Variants in STARD9 observed in about 807,000 individuals in gnomAD.
STARD9 encodes StAR related lipid transfer domain containing 9.
STARD9 carries 346 observed loss-of-function variants against 399.8 expected under a neutral mutation model. That is an observed-to-expected ratio of 0.87 (90% CI 0.79 to 0.95). The LOEUF is 0.95. STARD9 is among the 40% of genes least tolerant of loss of function. The probability of loss-of-function intolerance (pLI) is 0.00; values close to 1 mark genes in which losing one functional copy is unlikely to be tolerated. For synonymous variants in STARD9, 2,203 were observed against 2,143.5 expected, an observed-to-expected ratio of 1.03 and a Z score of -0.77; for missense variants, 5,832 against 5,667.5, an observed-to-expected ratio of 1.03 and a Z score of -0.93.
intron 26 of STARD9, among the ~76,000 whole-genome samples, chr15:42,706,217 A>G (rs1057482696): frequency 3.3e-5 from 5 of 152,140 alleles, no homozygotes; most frequent in Non-Finnish European, 7.4e-5. Context: ...CTTTCTTTTT[A>G]TGTTTTTAAA....
At chr15:42,625,890 G>C (rs756301391) in intron 3 of STARD9, among the ~76,000 whole-genome samples, 3 of 151,888 alleles carry the variant, frequency 2.0e-5, no homozygotes, top group Admixed American at 1.3e-4. Context: ...AAACCTTCAA[G>C]ACATGAAGAA....
intron 3 of STARD9, among the ~76,000 whole-genome samples, chr15:42,594,253 G>A (rs906471739): frequency 6.6e-6 from 1 of 152,168 alleles, no homozygotes; most frequent in African/African-American, 2.4e-5. Flanking sequence ...GGAACCAAGA[G>A]GAGCCACTAT....
At position 42,688,786 on chromosome 15, in the gene STARD9, C is replaced by T. The variant is rs1207145894; in HGVS notation, c.7208C>T (p.Ala2403Val). ...AATGTTAGAGGGCGTTCCTCTGAGG[C>T]ACACACTGCCTGGTGTGGGTCTGTG... is the stretch of plus-strand genomic sequence containing the variant. ...EGNVRGRSSE[A>V]HTAWCGSVRS... Residue 2403 changes from alanine to valine, a missense_variant, in exon 23 of 33, where the codon GCA becomes GTA. Ala to Val is a moderately conservative substitution (Grantham distance 64). Transcript: ENST00000290607. The T allele has an allele frequency of 7.2e-6, 11 of 1,537,428 alleles. No individual in the cohort carries two copies. Among genetic ancestry groups the T allele is most frequent in the Non-Finnish European group, 9.6e-6 (11 of 1,146,980 alleles).
chr15:42,616,038 T>C (rs1182562379), intron 3 of STARD9, among the ~76,000 whole-genome samples: 1 of 152,176 alleles, frequency 6.6e-6, no homozygotes, highest in Non-Finnish European at 1.5e-5. Context: ...TCTCAAACAT[T>C]GTATTTTTTT....
At chr15:42,634,207 ATTTT>A in intron 3 of STARD9, among the ~76,000 whole-genome samples, 1 of 152,206 alleles carries the variant, frequency 6.6e-6, no homozygotes, top group Admixed American at 6.5e-5. Context: ...AAAGCTGGCT[ATTTT>A]TTCCTGAGAC....
chr15:42,646,251 G>C lies in STARD9; in HGVS notation c.560-4765G>C, dbSNP rs1286993999. Reference sequence around the variant, plus strand: ...TAGCCCCTAACAGGAGAATCGGCCTGTCCTTTGAAGCTTTGAAACCAGACA... The same window carrying C: ...TAGCCCCTAACAGGAGAATCGGCCTCTCCTTTGAAGCTTTGAAACCAGACA... On this transcript the variant is annotated intron_variant, in intron 7 of 32. Transcript: ENST00000290607. Among the ~76,000 whole-genome samples the C allele has an allele frequency of 2.6e-5, 4 of 152,148 alleles. No homozygotes were observed. The East Asian group carries it at 7.7e-4, about 29-fold the overall frequency.
At position 42,689,649 on chromosome 15, in the gene STARD9, C is replaced by G. The variant is rs1023118206; in HGVS notation, c.8071C>G (p.Pro2691Ala). ...GAGGCAGTTCGCGGGAGCAAGTGAACCATTTATATGTCACTCTAGTTCTTC... is the reference window on the plus strand; with the variant it reads ...GAGGCAGTTCGCGGGAGCAAGTGAAGCATTTATATGTCACTCTAGTTCTTC... ...ELRQFAGASE[P>A]FICHSSSSEI... The change falls in exon 23 of 33, where the codon CCA becomes GCA. Residue 2691 changes from proline (P) to alanine (A), a missense_variant. Physicochemically the swap from Pro to Ala is conservative, Grantham distance 27. This residue lies in a region of STARD9 where 5,828 missense variants were observed against 5,651.1 expected (regional missense o/e 1.03). Coordinates refer to ENST00000290607, the MANE Select transcript of STARD9 (RefSeq NM_020759.3). 7.8e-6 allele frequency: 12 copies of G among 1,537,532 alleles called. No homozygotes were observed. In the African/African-American group the frequency reaches 1.5e-4, roughly 19 times the overall value.
At chr15:42,577,821 T>A (rs2058088580) in intron 1 of STARD9, among the ~76,000 whole-genome samples, 1 of 152,234 alleles carries the variant, frequency 6.6e-6, no homozygotes, top group African/African-American at 2.4e-5. Context: ...ATGTGGGGAA[T>A]CTGGTGATTA....
In STARD9 at chr15:42,691,994, G is replaced by T. The variant is rs752286853; in HGVS notation, c.10416G>T (p.Pro3472=). ...GTGACATCAGTCCCTATGCGCTGCC[G>T]TGGCGTCCGGAGGAGCCTGCACGTA... ...GSSDISPYAL[P]WRPEEPARIS... The change falls in exon 23 of 33, where the codon CCG becomes CCT. Residue 3472 remains proline (P), a synonymous_variant. Transcript: ENST00000290607. 1.3e-6 allele frequency: 2 copies of T among 1,537,232 alleles called. No individual in the cohort carries two copies. The highest frequency in any genetic ancestry group is 2.7e-5 in the African/African-American group (2 of 73,164).
At chr15:42,595,644 G>A (rs1475949679) in intron 3 of STARD9, among the ~76,000 whole-genome samples, 1 of 152,178 alleles carries the variant, frequency 6.6e-6, no homozygotes, top group Non-Finnish European at 1.5e-5. Flanking sequence ...TAGGGGAGCT[G>A]GGGAGTATGT....
intron 9 of STARD9, among the ~76,000 whole-genome samples, chr15:42,656,929 C>T (rs558274671): frequency 2.6e-5 from 4 of 152,184 alleles, no homozygotes; most frequent in African/African-American, 9.6e-5. Context: ...GTGATGGGTG[C>T]ACCAATATTT....
Position 42,682,539 on chromosome 15 carries a change from A to G in STARD9, c.2501A>G (p.Gln834Arg), listed in dbSNP as rs746852957. 223 of 1,537,104 alleles carry G rather than the reference A, an allele frequency of 1.5e-4. 1 individual carries two copies. In the Middle Eastern group the frequency reaches 5.0e-3, roughly 35 times the overall value. ...ACGAGTTGCAGTTCTTTGAGCCCCCAAAGACTCTGCAGCAAGCACATGCCC... is the reference window on the plus strand; with the variant it reads ...ACGAGTTGCAGTTCTTTGAGCCCCCGAAGACTCTGCAGCAAGCACATGCCC... ...KLTSCSSLSP[Q>R]RLCSKHMPQL... Residue 834 changes from glutamine (Q) to arginine (R), a missense_variant, in exon 22 of 33, where the codon CAA becomes CGA. Gln to Arg is a conservative substitution (Grantham distance 43). Around this residue, in one of 2 missense-constraint regions of STARD9, gnomAD observed 5,828 missense variants for 5,651.1 expected, o/e 1.03. Coordinates refer to ENST00000290607, the MANE Select transcript of STARD9 (RefSeq NM_020759.3).
chr15:42,656,508 A>T (rs2059876514), intron 9 of STARD9, among the ~76,000 whole-genome samples: 1 of 152,162 alleles, frequency 6.6e-6, no homozygotes, highest in Admixed American at 6.6e-5. Context: ...AGAAGTCGTT[A>T]TATGAAAAAG....
chr15:42,599,576 C>G (rs1256854582), intron 3 of STARD9, among the ~76,000 whole-genome samples: 1 of 152,188 alleles, frequency 6.6e-6, no homozygotes, highest in East Asian at 1.9e-4. Context: ...CTCATAGTAT[C>G]TTGTTACTCC....
At chr15:42,678,866 G>T (rs891519653) in intron 20 of STARD9, among the ~76,000 whole-genome samples, 1 of 152,224 alleles carries the variant, frequency 6.6e-6, no homozygotes, top group Non-Finnish European at 1.5e-5. Context: ...CCTGCTTTCT[G>T]GGAACTTGAC....
chr15:42,639,191 G>T (rs576093418), intron 7 of STARD9, among the ~76,000 whole-genome samples: 1 of 152,220 alleles, frequency 6.6e-6, no homozygotes, highest in Admixed American at 6.5e-5. Flanking sequence ...ATGACGTAAC[G>T]TGGTGAGAAG....
At chr15:42,676,330 T>TC (rs1428763425) in intron 20 of STARD9, among the ~76,000 whole-genome samples, 2 of 152,282 alleles carry the variant, frequency 1.3e-5, no homozygotes, top group African/African-American at 4.8e-5. Flanking sequence ...TCCCATATAC[T>TC]CCTTTAAGTT....
chr15:42,581,536 G>C (rs1345008334), intron 1 of STARD9: 6 of 1,288,606 alleles, frequency 4.7e-6, no homozygotes, highest in East Asian at 2.5e-5. Context: ...AGGCGGCGGC[G>C]CCGGGCCGGT....
intron 3 of STARD9, among the ~76,000 whole-genome samples, chr15:42,612,096 C>T (rs1420932469): frequency 6.6e-6 from 1 of 152,148 alleles, no homozygotes; most frequent in East Asian, 1.9e-4. Context: ...AGGGCCTTAG[C>T]CTCCTGAAGT....
Sources: gnomAD v4.1 joint callset for allele counts (sites outside exome capture counted in the v4.1 genomes callset) on GRCh38, gnomAD v4.1.1 for gene constraint, gnomAD v4.1.1 regional missense constraint, MANE v1.5 for transcripts, NCBI Gene and HGNC (gene_info 2026-07-23, HGNC 2026-07-21) for gene names.